The following TXK variants were observed in gnomAD, a reference collection of about 807,000 sequenced individuals.
TXK encodes tyrosine-protein kinase TXK.
Under a neutral mutation model 81.0 loss-of-function variants are expected in TXK, and 60 were observed. That is an observed-to-expected ratio of 0.74 (90% CI 0.60 to 0.92). The LOEUF (loss-of-function observed/expected upper bound fraction) is 0.92. Among genes scored for constraint, TXK ranks in the 40% least tolerant of loss-of-function variants. The pLI is 0.00. For missense variants in TXK, 581 were observed against 638.3 expected (o/e 0.91, Z 0.97); for synonymous variants, 203 against 210.7 (o/e 0.96, Z 0.32).
At chr4:48,075,513 G>A (rs1214754756) in intron 12 of TXK, among the ~76,000 whole-genome samples, 2 of 152,140 alleles carry the variant, frequency 1.3e-5, no homozygotes, top group Non-Finnish European at 2.9e-5. Flanking sequence ...AGCTGGGCGT[G>A]GTGGCATGTG....
At chr4:48,128,000 A>C (rs916363151) in intron 1 of TXK, among the ~76,000 whole-genome samples, 3 of 152,190 alleles carry the variant, frequency 2.0e-5, no homozygotes, top group Non-Finnish European at 4.4e-5. Flanking sequence ...TTCTCAGAAT[A>C]GCTCCTAAGG....
At chr4:48,092,167 C>T (rs954053715) in intron 8 of TXK, among the ~76,000 whole-genome samples, 9 of 152,272 alleles carry the variant, frequency 5.9e-5, no homozygotes, top group East Asian at 1.9e-4. Context: ...CAGTGAAGTT[C>T]AGGGCCTGCG....
At chr4:48,075,292 T>A (rs533618880) in intron 12 of TXK, among the ~76,000 whole-genome samples, 3 of 152,118 alleles carry the variant, frequency 2.0e-5, no homozygotes, top group Non-Finnish European at 4.4e-5. Context: ...AAGATGCCAG[T>A]GAACAAATGG....
intron 4 of TXK, among the ~76,000 whole-genome samples, chr4:48,111,295 G>A (rs542761234): frequency 6.6e-6 from 1 of 152,234 alleles, no homozygotes; most frequent in South Asian, 2.1e-4. Flanking sequence ...TAAGATTTAG[G>A]TAAATGAATT....
At chr4:48,096,526 CTTTT>C (rs1228735010) in intron 6 of TXK, among the ~76,000 whole-genome samples, 3 of 152,104 alleles carry the variant, frequency 2.0e-5, no homozygotes, top group Admixed American at 2.0e-4. Context: ...CTCTTTCTTT[CTTTT>C]ATTTTTTTGA....
At chr4:48,072,676 T>G (rs1030709024) in intron 13 of TXK, among the ~76,000 whole-genome samples, 2 of 152,184 alleles carry the variant, frequency 1.3e-5, no homozygotes, top group African/African-American at 4.8e-5. Flanking sequence ...AAGTGTGAGA[T>G]CAATCCATGT....
chr4:48,112,211 T>C, intron 4 of TXK, 96 bp downstream of exon 4: 2 of 1,160,548 alleles, frequency 1.7e-6, no homozygotes, highest in Non-Finnish European at 1.3e-6. Context: ...ACAGATTCCA[T>C]TTCATGCAGA....
chr4:48,117,783 C>A (rs1718851716), intron 1 of TXK, among the ~76,000 whole-genome samples: 1 of 152,324 alleles, frequency 6.6e-6, no homozygotes, highest in Non-Finnish European at 1.5e-5. Flanking sequence ...TCCTACAGGA[C>A]CCTACCTGAA....
intron 13 of TXK, among the ~76,000 whole-genome samples, chr4:48,072,474 G>T (rs1030718893): frequency 6.6e-6 from 1 of 152,200 alleles, no homozygotes; most frequent in African/African-American, 2.4e-5. Flanking sequence ...AGATTAGACT[G>T]ATGGGCAGAG....
At chr4:48,133,900 C>T (rs759190454) in intron 1 of TXK, among the ~76,000 whole-genome samples, 14 of 152,210 alleles carry the variant, frequency 9.2e-5, no homozygotes, top group Non-Finnish European at 2.1e-4. Flanking sequence ...CATTTCTACA[C>T]ACACATATGC....
At chr4:48,083,077 G>T (rs1470975919) in intron 10 of TXK, among the ~76,000 whole-genome samples, 1 of 152,248 alleles carries the variant, frequency 6.6e-6, no homozygotes, top group Non-Finnish European at 1.5e-5. Flanking sequence ...AAGGCAGAGG[G>T]TTCACTGAGC....
intron 10 of TXK, 29 bp downstream of exon 10, chr4:48,086,437 A>C (rs1438647087): frequency 6.2e-7 from 1 of 1,611,044 alleles, no homozygotes; most frequent in Non-Finnish European, 8.5e-7. Flanking sequence ...GCATGGTATG[A>C]TATTTATCAG....
rs1341414253 is a variant in TXK at position 48,114,405 on chromosome 4, G to A, written c.17-3C>T. On this transcript the variant is annotated splice_region_variant and splice_polypyrimidine_tract_variant and intron_variant, in intron 1 of 14. Coordinates refer to ENST00000264316, the MANE Select transcript of TXK (RefSeq NM_003328.3). The stretch of plus-strand genomic sequence containing the variant: ...GAAAACCGACTGGATGGTGTTATCT[G>A]AAAAGCAGATCATTTCTCAGCTGTT... 3 of 1,614,122 alleles carry A rather than the reference G, an allele frequency of 1.9e-6. No individual in the cohort carries two copies. The highest frequency in any genetic ancestry group is 1.6e-4 in the Middle Eastern group (1 of 6,062).
intron 1 of TXK, among the ~76,000 whole-genome samples, chr4:48,126,250 C>T (rs1719087870): frequency 6.6e-6 from 1 of 152,168 alleles, no homozygotes; most frequent in Non-Finnish European, 1.5e-5. Context: ...AGGATGAAGG[C>T]ATTTATCATG....
intron 10 of TXK, among the ~76,000 whole-genome samples, chr4:48,085,288 A>C (rs561009762): frequency 6.6e-6 from 1 of 152,236 alleles, no homozygotes; most frequent in East Asian, 1.9e-4. Flanking sequence ...TCTGAAAGCA[A>C]ATACTTTTTT....
chr4:48,089,890 C>A, intron 8 of TXK, 66 bp from the exon 9 acceptor site: 3 of 1,160,714 alleles, frequency 2.6e-6, no homozygotes, highest in South Asian at 2.6e-5. Context: ...ATGAAATATT[C>A]TAGAAGACAG....
chr4:48,099,737 T>G (rs902910532), intron 6 of TXK, among the ~76,000 whole-genome samples: 1 of 152,198 alleles, frequency 6.6e-6, no homozygotes, highest in Non-Finnish European at 1.5e-5. Context: ...AAAGCCCAGA[T>G]ATAGTCCAAA....
intron 13 of TXK, 39 bp downstream of exon 13, chr4:48,073,896 T>G: frequency 7.5e-7 from 1 of 1,324,878 alleles, no homozygotes; most frequent in Non-Finnish European, 1.1e-6. Context: ...CCCATTTTAT[T>G]AAATCAAGCT....
chr4:48,085,485 AG>A (rs1273475851), intron 10 of TXK, among the ~76,000 whole-genome samples: 1 of 152,166 alleles, frequency 6.6e-6, no homozygotes. Context: ...TACCAACAGG[AG>A]GCAGGGAAAT....
Sources: allele counts gnomAD v4.1 joint callset (sites outside exome capture counted in the v4.1 genomes callset), GRCh38; gene constraint gnomAD v4.1.1; transcripts MANE v1.5; gene names NCBI Gene and HGNC (gene_info 2026-07-23, HGNC 2026-07-21).